CDH12: variants seen among roughly 807,000 people sequenced by gnomAD.
CDH12 encodes the protein cadherin-12.
CDH12 carries 41 observed loss-of-function variants against 74.1 expected under a neutral mutation model. The observed-to-expected ratio is 0.55, with a 90% CI of 0.43 to 0.72. The LOEUF is 0.72. Among genes scored for constraint, CDH12 ranks in the 30% least tolerant of loss-of-function variants. The pLI, the probability that CDH12 is intolerant of heterozygous loss-of-function variation, is 0.00. For missense variants in CDH12, 945 were observed against 977.2 expected, an observed-to-expected ratio of 0.97 and a Z score of 0.44; for synonymous variants, 399 against 355.0, an observed-to-expected ratio of 1.12 and a Z score of -1.39.
chr5:21,838,626 T>G (rs1157965630), intron 8 of CDH12, among the ~76,000 whole-genome samples: 2 of 152,078 alleles, frequency 1.3e-5, no homozygotes, highest in Admixed American at 6.6e-5. Flanking sequence ...TGCAAGTACA[T>G]CTCAGAGACT....
At chr5:21,916,530 A>T in intron 6 of CDH12, among the ~76,000 whole-genome samples, 1 of 150,496 alleles carries the variant, frequency 6.6e-6, no homozygotes. Context: ...TTCTTGGCAG[A>T]TTAGGCCTAT....
chr5:22,564,871 G>A (rs1739218725), intron 1 of CDH12, among the ~76,000 whole-genome samples: 1 of 152,186 alleles, frequency 6.6e-6, no homozygotes, highest in African/African-American at 2.4e-5. Context: ...AAACATGGGA[G>A]TGCAGATATC....
chr5:22,153,913 T>TACAC lies in CDH12; in HGVS notation c.-187+58581_-187+58584dup, dbSNP rs71609744. ...AAATATATATATATATACACACACA[T>TACAC]ACACACACACACACAAACATATATA... On this transcript the variant is annotated intron_variant, in intron 4 of 14. Coordinates refer to ENST00000382254, the MANE Select transcript of CDH12 (RefSeq NM_004061.5). 4.5e-4 allele frequency among the ~76,000 whole-genome samples: 59 copies of TACAC among 130,324 alleles called. 2 individuals are homozygous for TACAC. The highest frequency in any genetic ancestry group is 8.0e-5 in the Non-Finnish European group (5 of 62,326). The allele number at this position is 130,324 out of a possible 152,430, so 85.5% of individuals were successfully genotyped here.
At chr5:22,425,882 C>T (rs1743910768) in intron 2 of CDH12, among the ~76,000 whole-genome samples, 1 of 152,048 alleles carries the variant, frequency 6.6e-6, no homozygotes. Context: ...GGATCGTCAA[C>T]ACAAACATTC....
At chr5:21,850,408 T>A (rs1750401182) in intron 7 of CDH12, among the ~76,000 whole-genome samples, 2 of 151,446 alleles carry the variant, frequency 1.3e-5, no homozygotes, top group East Asian at 3.9e-4. Context: ...TGTGTGTGTA[T>A]CTCTTATGAC....
At chr5:22,222,547 CT>C (rs1752054510) in intron 3 of CDH12, among the ~76,000 whole-genome samples, 1 of 151,594 alleles carries the variant, frequency 6.6e-6, no homozygotes, top group African/African-American at 2.4e-5. Flanking sequence ...TTATTTTTTT[CT>C]TTTCTAAAAT....
At chr5:22,437,623 A>G (rs1017205934) in intron 2 of CDH12, among the ~76,000 whole-genome samples, 2 of 151,908 alleles carry the variant, frequency 1.3e-5, no homozygotes, top group African/African-American at 4.8e-5. Flanking sequence ...ATTTTTAGGT[A>G]GAAGGACCTG....
intron 3 of CDH12, among the ~76,000 whole-genome samples, chr5:22,336,436 C>T (rs893106745): frequency 6.6e-6 from 1 of 152,196 alleles, no homozygotes; most frequent in African/African-American, 2.4e-5. Context: ...ACAGCAGTCC[C>T]TTTCATCACA....
intron 1 of CDH12, among the ~76,000 whole-genome samples, chr5:22,821,913 T>C (rs1414005310): frequency 8.6e-4 from 130 of 150,998 alleles, no homozygotes; most frequent in Middle Eastern, 3.4e-3. Context: ...AAAAAGAGCC[T>C]GCATTGCCAA....
chr5:22,084,215 C>T (rs1056950238), intron 4 of CDH12, among the ~76,000 whole-genome samples: 3 of 152,106 alleles, frequency 2.0e-5, no homozygotes, highest in Non-Finnish European at 4.4e-5. Context: ...TGAGGGTTTC[C>T]AACTGTTCCA....
chr5:22,721,016 A>T lies in CDH12; in HGVS notation c.-523+132042T>A, dbSNP rs189270176. Among the ~76,000 whole-genome samples, 8 of 152,362 alleles carry T rather than the reference A, an allele frequency of 5.3e-5. No homozygotes were observed. In the South Asian group the frequency reaches 1.0e-3, roughly 20 times the overall value. ...ATTCAAGCCAGCTGAAGAAGTTTGC[A>T]TAAGTAACAAGGAACTGAATGTTAA... On this transcript the variant is annotated intron_variant, in intron 1 of 14. Transcript: ENST00000382254.
chr5:22,683,960 T>A (rs1020916702), intron 1 of CDH12, among the ~76,000 whole-genome samples: 1 of 152,180 alleles, frequency 6.6e-6, no homozygotes, highest in African/African-American at 2.4e-5. Flanking sequence ...TAATTCTTCT[T>A]TGTTAACGTA....
chr5:22,406,222 C>T (rs911997176), intron 2 of CDH12, among the ~76,000 whole-genome samples: 4 of 152,146 alleles, frequency 2.6e-5, no homozygotes, highest in South Asian at 2.1e-4. Context: ...GTTGGCAAGT[C>T]GAGGACTCTT....
chr5:22,531,873 A>G (rs576391442), intron 1 of CDH12, among the ~76,000 whole-genome samples: 3 of 151,880 alleles, frequency 2.0e-5, no homozygotes, highest in Non-Finnish European at 4.4e-5. Context: ...CCAGAAAGCA[A>G]CTCCTTCCAC....
Position 22,732,467 on chromosome 5 carries a change from TATATACACACACAC to T in CDH12, c.-523+120577_-523+120590del, listed in dbSNP as rs1205465544. The stretch of plus-strand genomic sequence containing the variant: ...ATGTGAATGTGTGTGTATATATATA[TATATACACACACAC>T]ACACACACACACACACACACATAAA... On this transcript the variant is annotated intron_variant, in intron 1 of 14. Transcript: ENST00000382254. Among the ~76,000 whole-genome samples the T allele has an allele frequency of 3.1e-3, 429 of 139,728 alleles. 2 individuals carry two copies. Among genetic ancestry groups the T allele is most frequent in the Non-Finnish European group, 4.8e-3 (309 of 64,114 alleles). The allele number at this position is 139,728 out of a possible 152,430, so 91.7% of individuals were successfully genotyped here.
chr5:22,032,715 A>T (rs979750674), intron 5 of CDH12, among the ~76,000 whole-genome samples: 1 of 149,012 alleles, frequency 6.7e-6, no homozygotes, highest in East Asian at 1.9e-4. Flanking sequence ...CTCAAAAAAA[A>T]AAAATGTATA....
chr5:21,794,406 A>T (rs1746666970), intron 10 of CDH12, among the ~76,000 whole-genome samples: 1 of 151,786 alleles, frequency 6.6e-6, no homozygotes, highest in Non-Finnish European at 1.5e-5. Context: ...CTTCAGAGAA[A>T]TAATTCTCTT....
chr5:22,721,304 A>C (rs937823929), intron 1 of CDH12, among the ~76,000 whole-genome samples: 1 of 152,242 alleles, frequency 6.6e-6, no homozygotes, highest in African/African-American at 2.4e-5. Flanking sequence ...CTGGGATGTG[A>C]GACATGAAGT....
chr5:22,793,385 G>T (rs1748019262), intron 1 of CDH12, among the ~76,000 whole-genome samples: 1 of 152,132 alleles, frequency 6.6e-6, no homozygotes, highest in Non-Finnish European at 1.5e-5. Context: ...CATATGTGGT[G>T]ATTATAACTA....
Sources: gnomAD v4.1 joint callset for allele counts (sites outside exome capture counted in the v4.1 genomes callset) on GRCh38, gnomAD v4.1.1 for gene constraint, MANE v1.5 for transcripts, NCBI Gene and HGNC (gene_info 2026-07-23, HGNC 2026-07-21) for gene names.